The following MCF2 variants were observed in gnomAD, a reference collection of about 807,000 sequenced individuals.
MCF2 encodes the protein MCF.2 cell line derived transforming sequence, also known as proto-oncogene DBL.
In MCF2, 44 loss-of-function variants were observed where a neutral mutation model predicts 82.5. That is an observed-to-expected ratio of 0.53 (90% CI 0.42 to 0.69). The LOEUF is 0.69. Ranked by LOEUF, MCF2 falls within the 30% of genes least tolerant of loss-of-function variation. The pLI, the probability that MCF2 is intolerant of heterozygous loss-of-function variation, is 0.00. For synonymous variants in MCF2, 217 were observed against 224.9 expected, an observed-to-expected ratio of 0.96 and a Z score of 0.32; for missense variants, 623 against 663.1, an observed-to-expected ratio of 0.94 and a Z score of 0.66.
intron 16 of MCF2, among the ~76,000 whole-genome samples, chrX:139,598,761 T>C (rs1930297546): frequency 8.9e-6 from 1 of 111,775 alleles, no homozygotes; most frequent in Admixed American, 9.5e-5. Flanking sequence ...TTCATATTGA[T>C]GTGGAATGCT....
chrX:139,673,215 T>C (rs755325935), intron 1 of MCF2, among the ~76,000 whole-genome samples: 2 of 111,983 alleles, frequency 1.8e-5, no homozygotes, highest in South Asian at 3.8e-4. Flanking sequence ...TTTTCTTCTT[T>C]ATTAGTCTTG....
At chrX:139,677,946 T>G (rs1265760248) in intron 1 of MCF2, among the ~76,000 whole-genome samples, 24 of 111,692 alleles carry the variant, frequency 2.1e-4, no homozygotes, top group Non-Finnish European at 7.5e-5. Flanking sequence ...GCAGATCACT[T>G]GAGGTCAGGA....
chrX:139,602,418 G>A lies in MCF2; in HGVS notation c.1824C>T (p.Cys608=), dbSNP rs139443293. 5.7e-4 allele frequency: 683 copies of A among 1,190,999 alleles called. 4 individuals are homozygous for A. The African/African-American group carries it at 0.01, about 18-fold the overall frequency. The stretch of plus-strand genomic sequence containing the variant: ...ATAATTACTGTACCTGGAAAAATGC[G>A]CATTCTGAATACTTCCTCCAAATTG... The change falls in exon 16 of 25, where the codon TGC becomes TGT. Residue 608 remains cysteine (C), a synonymous_variant. Transcript: ENST00000370576.
At chrX:139,677,744 T>C (rs1410961069) in intron 1 of MCF2, among the ~76,000 whole-genome samples, 1 of 112,224 alleles carries the variant, frequency 8.9e-6, no homozygotes, top group African/African-American at 3.2e-5. Flanking sequence ...CATATTTGAA[T>C]CTAAACATTG....
upstream of MCF2, among the ~76,000 whole-genome samples, chrX:139,644,085 C>G (rs1174151366): frequency 8.9e-6 from 1 of 112,025 alleles, no homozygotes; most frequent in African/African-American, 3.2e-5. Context: ...TTTATTTAGC[C>G]CCACTGATAA....
chrX:139,686,454 G>A (rs561292188), intron 1 of MCF2, among the ~76,000 whole-genome samples: 5 of 110,392 alleles, frequency 4.5e-5, no homozygotes, highest in African/African-American at 1.3e-4. Flanking sequence ...CGTGGGAGGC[G>A]GAGGTTGCAG....
At chrX:139,600,198 C>A (rs1033903552) in intron 16 of MCF2, among the ~76,000 whole-genome samples, 26 of 110,979 alleles carry the variant, frequency 2.3e-4, no homozygotes, top group African/African-American at 8.2e-4. Flanking sequence ...AGACTGGTTT[C>A]TTTTTAGTGA....
chrX:139,616,462 G>A, exon 9 of MCF2: 2 of 1,070,224 alleles, frequency 1.9e-6, no homozygotes, highest in East Asian at 3.1e-5. Flanking sequence ...CTTCATCACA[G>A]CATTGACGAG....
intron 4 of MCF2, among the ~76,000 whole-genome samples, chrX:139,627,790 T>C (rs143626764): frequency 1.8e-5 from 2 of 111,924 alleles, no homozygotes; most frequent in African/African-American, 6.5e-5. Flanking sequence ...ATACAGAAAC[T>C]GCAACTCAGA....
At chrX:139,624,115 T>A (rs1462143268) in intron 6 of MCF2, among the ~76,000 whole-genome samples, 1 of 111,669 alleles carries the variant, frequency 9.0e-6, no homozygotes, top group Non-Finnish European at 1.9e-5. Context: ...GTAGGCTTCA[T>A]TCACCTGCAG....
intron 8 of MCF2, 52 bp downstream of exon 11, chrX:139,617,460 TG>T (rs1932000835): frequency 2.0e-6 from 2 of 1,018,085 alleles, no homozygotes; most frequent in Admixed American, 3.1e-5. Context: ...TAGCAGGACC[TG>T]GAAAAAAATG....
chrX:139,639,650 G>A (rs779808930), intron 1 of MCF2, among the ~76,000 whole-genome samples: 7 of 111,583 alleles, frequency 6.3e-5, no homozygotes, highest in Non-Finnish European at 1.3e-4. Flanking sequence ...AAGAGCAGGC[G>A]TAAACCAAAT....
intron 1 of MCF2, among the ~76,000 whole-genome samples, chrX:139,691,377 T>C (rs1935258719): frequency 1.8e-5 from 2 of 111,149 alleles, no homozygotes; most frequent in African/African-American, 6.5e-5. Flanking sequence ...CAAAAAAAAA[T>C]TGCTTTTTCA....
At chrX:139,608,781 A>G (rs866325846) in intron 11 of MCF2, among the ~76,000 whole-genome samples, 16 of 111,920 alleles carry the variant, frequency 1.4e-4, no homozygotes, top group Middle Eastern at 4.6e-3. Flanking sequence ...TTAGCAAGCA[A>G]TGGCATTCTT....
chrX:139,695,322 G>A (rs188525555), intron 1 of MCF2, among the ~76,000 whole-genome samples: 6 of 111,790 alleles, frequency 5.4e-5, no homozygotes, highest in African/African-American at 1.9e-4. Flanking sequence ...GAGCCATCGC[G>A]CCCAGCCTCT....
intron 1 of MCF2, among the ~76,000 whole-genome samples, chrX:139,679,765 G>A (rs1410591356): frequency 9.0e-6 from 1 of 110,823 alleles, no homozygotes; most frequent in Non-Finnish European, 1.9e-5. Flanking sequence ...CTCCTGGGAC[G>A]CTTTCAGCAC....
intron 1 of MCF2, among the ~76,000 whole-genome samples, chrX:139,696,371 C>A (rs1784333028): frequency 9.6e-6 from 1 of 104,329 alleles, no homozygotes; most frequent in African/African-American, 3.5e-5. Flanking sequence ...CCTCTCCTCT[C>A]CTCTCCTCTC....
chrX:139,603,169 T>G (rs1343269857), intron 15 of MCF2, among the ~76,000 whole-genome samples: 1 of 112,725 alleles, frequency 8.9e-6, no homozygotes, highest in Non-Finnish European at 1.9e-5. Context: ...TTTTTATATC[T>G]AAATAGATTT....
At chrX:139,639,996 TC>T (rs1933470425) in intron 1 of MCF2, among the ~76,000 whole-genome samples, 1 of 111,064 alleles carries the variant, frequency 9.0e-6, no homozygotes. Flanking sequence ...TGGATATTAT[TC>T]CCTTTTTACA....
Sources: allele counts gnomAD v4.1 joint callset (sites outside exome capture counted in the v4.1 genomes callset), GRCh38; gene constraint gnomAD v4.1.1; transcripts MANE v1.5; gene names NCBI Gene and HGNC (gene_info 2026-07-23, HGNC 2026-07-21).